CNST: variants seen among roughly 807,000 people sequenced by gnomAD.
The protein encoded by CNST is consortin.
In CNST, 39 loss-of-function variants were observed where a neutral mutation model predicts 72.4. The ratio of observed to expected loss-of-function variants is 0.54; its 90% CI spans 0.42 to 0.70. The LOEUF (loss-of-function observed/expected upper bound fraction) is 0.70, where lower values mean the gene tolerates loss of function less well. Among genes scored for constraint, CNST ranks in the 30% least tolerant of loss-of-function variants. CNST has a pLI of 0.00. For synonymous variants in CNST, 332 were observed against 320.1 expected, an observed-to-expected ratio of 1.04 and a Z score of -0.40; for missense variants, 871 against 868.5, an observed-to-expected ratio of 1.00 and a Z score of -0.04.
At chr1:246,648,834 C>T (rs1312392987) in intron 9 of CNST, among the ~76,000 whole-genome samples, 1 of 152,068 alleles carries the variant, frequency 6.6e-6, no homozygotes, top group African/African-American at 2.4e-5. Context: ...CTTTTAAGTC[C>T]CATTTGTACT....
At chr1:246,650,564 T>C (rs560964948) in intron 9 of CNST, among the ~76,000 whole-genome samples, 1 of 152,298 alleles carries the variant, frequency 6.6e-6, no homozygotes, top group Non-Finnish European at 1.5e-5. Flanking sequence ...ACAATGAGGT[T>C]TTGGACCAAG....
At chr1:246,588,514 T>G (rs1057352634) in intron 1 of CNST, among the ~76,000 whole-genome samples, 4 of 152,202 alleles carry the variant, frequency 2.6e-5, no homozygotes, top group Non-Finnish European at 4.4e-5. Flanking sequence ...TGATTCACCA[T>G]GAGCCATATT....
intron 3 of CNST, 92 bp downstream of exon 3, chr1:246,621,726 G>A (rs1486779821): frequency 1.0e-5 from 11 of 1,100,186 alleles, no homozygotes; most frequent in Non-Finnish European, 1.5e-5. Flanking sequence ...TGGGCGCAGT[G>A]GCTCATGCCT....
At chr1:246,621,968 C>T (rs1382113257) in intron 3 of CNST, among the ~76,000 whole-genome samples, 1 of 152,114 alleles carries the variant, frequency 6.6e-6, no homozygotes, top group Non-Finnish European at 1.5e-5. Flanking sequence ...GCACTCCAGC[C>T]TGGGAGACAG....
At chr1:246,599,241 TCA>T (rs1662100150) in intron 2 of CNST, among the ~76,000 whole-genome samples, 1 of 151,736 alleles carries the variant, frequency 6.6e-6, no homozygotes, top group African/African-American at 2.4e-5. Flanking sequence ...GAACAAGTTA[TCA>T]CAAATTTACA....
At chr1:246,584,301 T>G (rs1660995436) in intron 1 of CNST, among the ~76,000 whole-genome samples, 1 of 152,160 alleles carries the variant, frequency 6.6e-6, no homozygotes, top group African/African-American at 2.4e-5. Flanking sequence ...AATATGAAAT[T>G]TCAAATTCAC....
chr1:246,621,291 G>A, intron 2 of CNST, 138 bp from the exon 3 acceptor site: 1 of 691,884 alleles, frequency 1.4e-6, no homozygotes, highest in South Asian at 1.7e-5. Context: ...GGTTTCATAT[G>A]ATAAACACAT....
chr1:246,658,812 G>A (rs1666906440), intron 9 of CNST, among the ~76,000 whole-genome samples: 1 of 152,190 alleles, frequency 6.6e-6, no homozygotes, highest in Non-Finnish European at 1.5e-5. Flanking sequence ...ATCACCTACA[G>A]CTTGTAGCAA....
At chr1:246,657,837 C>G (rs1666852953) in intron 9 of CNST, among the ~76,000 whole-genome samples, 1 of 152,142 alleles carries the variant, frequency 6.6e-6, no homozygotes, top group Admixed American at 6.5e-5. Flanking sequence ...CATGTTTGTT[C>G]CTATTTGCAT....
At chr1:246,646,880 G>C (rs954027833) in intron 8 of CNST, among the ~76,000 whole-genome samples, 3 of 152,130 alleles carry the variant, frequency 2.0e-5, no homozygotes, top group African/African-American at 7.2e-5. Context: ...CTTTGAAAAT[G>C]ACTTTGTTGA....
chr1:246,663,870 C>G (rs1385390665), intron 10 of CNST, among the ~76,000 whole-genome samples: 1 of 152,046 alleles, frequency 6.6e-6, no homozygotes, highest in Non-Finnish European at 1.5e-5. Flanking sequence ...CAGTGTTTAC[C>G]TCTGGGATGG....
chr1:246,627,738 A>G (rs1038409330), intron 3 of CNST, among the ~76,000 whole-genome samples: 1 of 152,206 alleles, frequency 6.6e-6, no homozygotes, highest in Non-Finnish European at 1.5e-5. Flanking sequence ...AAAAGAAGAC[A>G]TAATTCAGGC....
chr1:246,623,452 G>T (rs1444090360), intron 3 of CNST, among the ~76,000 whole-genome samples: 1 of 152,066 alleles, frequency 6.6e-6, no homozygotes, highest in Non-Finnish European at 1.5e-5. Flanking sequence ...AACAGAAAAT[G>T]GGATAAAAAG....
intron 10 of CNST, among the ~76,000 whole-genome samples, chr1:246,662,361 G>C (rs1406638459): frequency 1.3e-5 from 2 of 152,128 alleles, no homozygotes; most frequent in Non-Finnish European, 2.9e-5. Flanking sequence ...AAAGTGAAAA[G>C]AAACAGGTGA....
At chr1:246,617,610 A>AT (rs1663792725) in intron 2 of CNST, among the ~76,000 whole-genome samples, 1 of 152,254 alleles carries the variant, frequency 6.6e-6, no homozygotes, top group South Asian at 2.1e-4. Context: ...GATCAAAGAG[A>AT]TTAACTTGCC....
At chr1:246,633,682 G>T (rs1170922417) in intron 4 of CNST, among the ~76,000 whole-genome samples, 1 of 151,272 alleles carries the variant, frequency 6.6e-6, no homozygotes, top group Non-Finnish European at 1.5e-5. Flanking sequence ...GGTGGAGGTT[G>T]TAGTGAGCTG....
chr1:246,633,898 C>T, intron 4 of CNST, 26 bp from the exon 5 acceptor site: 1 of 1,471,332 alleles, frequency 6.8e-7, no homozygotes, highest in Non-Finnish European at 9.5e-7. Context: ...GTGTGGATTT[C>T]TATTTTCCTT....
At chr1:246,595,113 G>A (rs1193146029) in intron 2 of CNST, among the ~76,000 whole-genome samples, 3 of 152,126 alleles carry the variant, frequency 2.0e-5, no homozygotes, top group Admixed American at 6.5e-5. Flanking sequence ...TGGACGAGGC[G>A]GGACTGAGTG....
rs1667427568 is a variant in CNST, at chr1:246,667,207, ATT to A, written c.*1304_*1305del. The A allele has an allele frequency of 6.6e-6, 1 of 152,030 alleles. No individual in the cohort carries two copies. Among genetic ancestry groups the A allele is most frequent in the Non-Finnish European group, 1.5e-5 (1 of 68,010 alleles). The allele number at this position is 152,030 out of a possible 1,614,324, so 9.4% of individuals were successfully genotyped here. On this transcript the variant is annotated 3_prime_UTR_variant, in exon 11 of 11. Transcript: ENST00000366513. ...TTATTTCCTGTCTTCTGTTAGGATC[ATT>A]TGAAAGAAAAAGGGAGAACTTACTT... is the stretch of plus-strand genomic sequence containing the variant.
Sources: gnomAD v4.1 joint callset for allele counts (sites outside exome capture counted in the v4.1 genomes callset) on GRCh38, gnomAD v4.1.1 for gene constraint, MANE v1.5 for transcripts, NCBI Gene and HGNC (gene_info 2026-07-23, HGNC 2026-07-21) for gene names.